The following WWP1 variants were observed in gnomAD, a reference collection of about 807,000 sequenced individuals.
The protein encoded by WWP1 is NEDD4-like E3 ubiquitin-protein ligase WWP1.
A neutral mutation model predicts 130.6 loss-of-function variants in WWP1; 49 were observed. The observed-to-expected ratio is 0.38, with a 90% CI of 0.30 to 0.48. The LOEUF (loss-of-function observed/expected upper bound fraction) is 0.48. Ranked by LOEUF, WWP1 falls within the 20% of genes least tolerant of loss-of-function variation. WWP1 has a pLI of 0.99. For missense variants in WWP1, 809 were observed against 1,100.6 expected (o/e 0.74, Z 3.75); for synonymous variants, 332 against 367.8 (o/e 0.90, Z 1.11).
rs1003861766 is a variant in WWP1, at chr8:86,461,104, C to T, written c.2500-120C>T. 6 of 930,700 alleles carry T rather than the reference C, an allele frequency of 6.4e-6. No individual in the cohort carries two copies. The African/African-American group carries it at 1.0e-4, about 15-fold the overall frequency. 57.7% of individuals were successfully genotyped at this position (930,700 alleles called of 1,614,324 possible). A position where few individuals can be genotyped will look rare whatever the true frequency, so the allele number is the denominator to read the frequency against. On this transcript the variant is annotated intron_variant, in intron 22 of 24. Transcript: ENST00000517970. ...GATTACAGGTGTGAGCCACCACGCC[C>T]AACCTTTAGCACATCTTTTGAACCA... is the stretch of plus-strand genomic sequence containing the variant.
chr8:86,394,411 C>G (rs1807533872), intron 5 of WWP1, among the ~76,000 whole-genome samples: 1 of 152,186 alleles, frequency 6.6e-6, no homozygotes, highest in South Asian at 2.1e-4. Context: ...GTTTTTTAAG[C>G]ACCTACCTTC....
chr8:86,435,371 T>A, intron 14 of WWP1, 81 bp from the exon 15 acceptor site: 2 of 1,444,482 alleles, frequency 1.4e-6, no homozygotes, highest in Non-Finnish European at 1.9e-6. Context: ...TGTTGGACTT[T>A]AGTACACTCT....
At chr8:86,349,472 A>G (rs1027688430) in intron 1 of WWP1, among the ~76,000 whole-genome samples, 1 of 152,212 alleles carries the variant, frequency 6.6e-6, no homozygotes. Flanking sequence ...GATTACCATA[A>G]ATTTTATTTA....
At chr8:86,407,116 T>TA (rs1406117248) in intron 8 of WWP1, among the ~76,000 whole-genome samples, 1 of 152,210 alleles carries the variant, frequency 6.6e-6, no homozygotes, top group Non-Finnish European at 1.5e-5. Context: ...GGTGTGGTCT[T>TA]ATGTCTTGTG....
rs567807196 is a variant in WWP1, at chr8:86,375,597, T to C, written c.70+1477T>C. On this transcript the variant is annotated intron_variant, in intron 3 of 24. Transcript: ENST00000517970. ...CTTTACAGTATTATTCTGGAGTTTG[T>C]TTCATAACAGAATATTCTTTTTCAT... is the stretch of plus-strand genomic sequence containing the variant. 8.3e-4 allele frequency among the ~76,000 whole-genome samples: 127 copies of C among 152,350 alleles called. 1 individual carries two copies. Among genetic ancestry groups the C allele is most frequent in the African/African-American group, 2.9e-3 (120 of 41,568 alleles).
intron 24 of WWP1, among the ~76,000 whole-genome samples, chr8:86,464,423 G>C (rs1278843333): frequency 6.6e-6 from 1 of 152,096 alleles, no homozygotes; most frequent in Non-Finnish European, 1.5e-5. Flanking sequence ...ATATCAAAGT[G>C]AATTAATATT....
intron 5 of WWP1, among the ~76,000 whole-genome samples, chr8:86,397,949 ATAAGT>A (rs1807770252): frequency 6.6e-6 from 1 of 152,156 alleles, no homozygotes; most frequent in Non-Finnish European, 1.5e-5. Flanking sequence ...AGATGTTTGA[ATAAGT>A]TACTCAATAC....
At chr8:86,454,405 C>A (rs374047848) in intron 21 of WWP1, among the ~76,000 whole-genome samples, 45 of 151,990 alleles carry the variant, frequency 3.0e-4, no homozygotes, top group African/African-American at 9.4e-4. Flanking sequence ...TATATGAAAA[C>A]CAGGACTCTG....
At chr8:86,345,102 C>T (rs1185553783) in intron 1 of WWP1, among the ~76,000 whole-genome samples, 2 of 152,046 alleles carry the variant, frequency 1.3e-5, no homozygotes, top group Non-Finnish European at 2.9e-5. Context: ...AGCTGTGGTG[C>T]ACGCGAATGG....
At chr8:86,445,289 C>T (rs1370820458) in intron 18 of WWP1, among the ~76,000 whole-genome samples, 12 of 152,130 alleles carry the variant, frequency 7.9e-5, no homozygotes, top group Admixed American at 7.9e-4. Context: ...CCATCATGCT[C>T]AGGTAGTGAA....
intron 5 of WWP1, among the ~76,000 whole-genome samples, chr8:86,392,485 G>T (rs1235374000): frequency 6.6e-6 from 1 of 152,078 alleles, no homozygotes; most frequent in Non-Finnish European, 1.5e-5. Context: ...ATAGAACCAA[G>T]AACTTAGTTT....
intron 1 of WWP1, among the ~76,000 whole-genome samples, chr8:86,365,048 T>C (rs1586268595): frequency 6.6e-6 from 1 of 152,030 alleles, no homozygotes; most frequent in Admixed American, 6.6e-5. Flanking sequence ...ACTAGATTTA[T>C]GTTACTGGAA....
chr8:86,374,949 G>A (rs1824543828), intron 3 of WWP1, among the ~76,000 whole-genome samples: 1 of 152,058 alleles, frequency 6.6e-6, no homozygotes, highest in Non-Finnish European at 1.5e-5. Context: ...TTTGTTTCAA[G>A]CAATCCTTTT....
intron 18 of WWP1, 63 bp downstream of exon 18, chr8:86,442,841 TAAAA>T (rs71275852): frequency 1.8e-5 from 21 of 1,197,402 alleles, no homozygotes; most frequent in African/African-American, 3.3e-5. Flanking sequence ...AGAAGGCTTT[TAAAA>T]AAAAAAAAAA....
At chr8:86,465,575 G>C (rs1044347508) in intron 24 of WWP1, among the ~76,000 whole-genome samples, 3 of 152,172 alleles carry the variant, frequency 2.0e-5, no homozygotes, top group Non-Finnish European at 2.9e-5. Context: ...CGAGGTCGCA[G>C]TGAGCCGAGA....
chr8:86,369,554 A>T (rs1244667277), intron 2 of WWP1, among the ~76,000 whole-genome samples: 3 of 152,146 alleles, frequency 2.0e-5, no homozygotes, highest in Non-Finnish European at 4.4e-5. Context: ...TTTTTACCTG[A>T]TTGGCACTGT....
intron 14 of WWP1, among the ~76,000 whole-genome samples, chr8:86,433,927 A>G (rs1472629963): frequency 1.3e-5 from 2 of 152,142 alleles, no homozygotes; most frequent in East Asian, 3.9e-4. Context: ...TTAGGAAAAA[A>G]AAAAAATGTA....
intron 9 of WWP1, among the ~76,000 whole-genome samples, chr8:86,423,465 G>C (rs1160074593): frequency 6.6e-6 from 1 of 152,128 alleles, no homozygotes; most frequent in African/African-American, 2.4e-5. Context: ...GTTTAACAAA[G>C]CACATCTTGC....
At chr8:86,455,470 A>G (rs1811383349) in intron 21 of WWP1, among the ~76,000 whole-genome samples, 1 of 152,028 alleles carries the variant, frequency 6.6e-6, no homozygotes, top group Admixed American at 6.6e-5. Context: ...TAGTGAATTT[A>G]ATAAGGCATG....
Sources: gnomAD v4.1 joint callset for allele counts (sites outside exome capture counted in the v4.1 genomes callset) on GRCh38, gnomAD v4.1.1 for gene constraint, MANE v1.5 for transcripts, NCBI Gene and HGNC (gene_info 2026-07-23, HGNC 2026-07-21) for gene names.